Variants in FAAH2 observed in about 807,000 individuals in gnomAD.
FAAH2 encodes fatty acid amide hydrolase 2.
Under a neutral mutation model 36.9 loss-of-function variants are expected in FAAH2, and 60 were observed. The ratio of observed to expected loss-of-function variants is 1.63; its 90% CI spans 1.32 to 2.02. The LOEUF (loss-of-function observed/expected upper bound fraction) is 2.02, where lower values mean the gene tolerates loss of function less well. FAAH2 is among the 30% of genes most tolerant of loss of function. The probability of loss-of-function intolerance (pLI) is 0.00; values close to 1 mark genes in which losing one functional copy is unlikely to be tolerated. For synonymous variants in FAAH2, 214 were observed against 143.8 expected (o/e 1.49, Z -3.49); for missense variants, 689 against 397.5 (o/e 1.73, Z -6.23).
At chrX:57,395,031 T>C (rs768371777) in intron 7 of FAAH2, 20 of 557,818 alleles carry the variant, frequency 3.6e-5, no homozygotes, top group Non-Finnish European at 6.6e-5. Context: ...CCAGCACTGA[T>C]GCTAGTCAAT....
the FAAH2 span, among the ~76,000 whole-genome samples, chrX:57,160,626 C>T: frequency 8.9e-6 from 1 of 111,749 alleles, no homozygotes; most frequent in Non-Finnish European, 1.9e-5. Flanking sequence ...GTTTATTTGC[C>T]TAGAGGTGTT....
intron 6 of FAAH2, among the ~76,000 whole-genome samples, chrX:57,379,155 T>C (rs926954037): frequency 3.8e-4 from 42 of 111,909 alleles, no homozygotes; most frequent in African/African-American, 1.3e-3. Flanking sequence ...GCATCAACGC[T>C]GCTTGGAAAT....
chrX:57,422,692 C>T (rs1037831946), intron 7 of FAAH2, among the ~76,000 whole-genome samples: 1 of 111,524 alleles, frequency 9.0e-6, no homozygotes, highest in Admixed American at 9.5e-5. Context: ...GGTGTCTATG[C>T]CATTGCCTCT....
chrX:57,392,502 G>A (rs781214916), intron 7 of FAAH2: 60 of 701,407 alleles, frequency 8.6e-5, no homozygotes, highest in South Asian at 4.5e-4. Flanking sequence ...AATGACATCC[G>A]GGAAAACTCC....
intron 3 of FAAH2, among the ~76,000 whole-genome samples, chrX:57,326,195 T>C (rs1252506457): frequency 4.5e-5 from 4 of 89,312 alleles, no homozygotes; most frequent in African/African-American, 1.8e-4. Flanking sequence ...TGCACTGTGG[T>C]CTGAGAGACA....
chrX:57,468,774 G>A (rs1369309710), intron 10 of FAAH2, among the ~76,000 whole-genome samples: 1 of 111,209 alleles, frequency 9.0e-6, no homozygotes, highest in African/African-American at 3.3e-5. Context: ...CTCGAGATGA[G>A]CAACTCCAAG....
At chrX:57,318,757 A>G (rs2052923054) in intron 3 of FAAH2, among the ~76,000 whole-genome samples, 2 of 112,252 alleles carry the variant, frequency 1.8e-5, no homozygotes, top group African/African-American at 3.2e-5. Context: ...ATGAACATCT[A>G]TGCAAAAATC....
intron 7 of FAAH2, among the ~76,000 whole-genome samples, chrX:57,384,797 C>G (rs1602487099): frequency 9.0e-6 from 1 of 111,583 alleles, no homozygotes; most frequent in East Asian, 2.8e-4. Flanking sequence ...ACTAGAAATA[C>G]CATTTGACCC....
the FAAH2 span, among the ~76,000 whole-genome samples, chrX:57,243,398 C>T: frequency 8.9e-6 from 1 of 112,383 alleles, no homozygotes; most frequent in South Asian, 3.7e-4. Context: ...TCGAGCTCTG[C>T]TAGGGACAGA....
intron 4 of FAAH2, among the ~76,000 whole-genome samples, chrX:57,337,872 C>G (rs2053592773): frequency 8.9e-6 from 1 of 112,027 alleles, no homozygotes; most frequent in Non-Finnish European, 1.9e-5. Flanking sequence ...TCTCACTGCT[C>G]TGATACAACA....
At chrX:57,197,543 A>T in the FAAH2 span, among the ~76,000 whole-genome samples, 9 of 105,412 alleles carry the variant, frequency 8.5e-5, no homozygotes, top group Admixed American at 2.0e-4. Context: ...CTATTCAGAT[A>T]TTTTTTTTTT....
chrX:57,209,949 T>C, the FAAH2 span, among the ~76,000 whole-genome samples: 1 of 110,749 alleles, frequency 9.0e-6, no homozygotes, highest in South Asian at 3.9e-4. Context: ...TATGTGGTTT[T>C]TTTTTTTATG....
the FAAH2 span, among the ~76,000 whole-genome samples, chrX:57,177,785 T>C: frequency 1.8e-5 from 2 of 108,521 alleles, no homozygotes; most frequent in Admixed American, 2.0e-4. Flanking sequence ...GCCTGGGCTG[T>C]CTGACTGTTG....
At chrX:57,263,331 G>A in the FAAH2 span, among the ~76,000 whole-genome samples, 1 of 111,626 alleles carries the variant, frequency 9.0e-6, no homozygotes, top group African/African-American at 3.2e-5. Flanking sequence ...GAAATTAAAA[G>A]TACAATACCA....
chrX:57,231,604 A>G, the FAAH2 span, among the ~76,000 whole-genome samples: 3 of 111,829 alleles, frequency 2.7e-5, no homozygotes, highest in Non-Finnish European at 5.6e-5. Context: ...TATCATTACA[A>G]TAATGCCATG....
At chrX:57,184,289 G>A in the FAAH2 span, among the ~76,000 whole-genome samples, 1 of 111,338 alleles carries the variant, frequency 9.0e-6, no homozygotes, top group African/African-American at 3.3e-5. Flanking sequence ...GCCCTTTGAA[G>A]CATGTGATCT....
At chrX:57,464,961 C>A (rs2057024464) in intron 10 of FAAH2, among the ~76,000 whole-genome samples, 1 of 111,587 alleles carries the variant, frequency 9.0e-6, no homozygotes, top group African/African-American at 3.2e-5. Context: ...TAAGGATATT[C>A]AGACAACTAA....
chrX:57,248,125 A>G, the FAAH2 span, among the ~76,000 whole-genome samples: 2 of 112,327 alleles, frequency 1.8e-5, no homozygotes, highest in African/African-American at 6.5e-5. Context: ...TATAGAATAA[A>G]CAAAGATTCA....
chrX:57,383,182 T>C (rs2054905539), intron 7 of FAAH2, among the ~76,000 whole-genome samples: 2 of 111,651 alleles, frequency 1.8e-5, no homozygotes, highest in South Asian at 7.4e-4. Context: ...TAGCTCAAAA[T>C]AATAAGAGCT....
Sources: allele counts gnomAD v4.1 joint callset (sites outside exome capture counted in the v4.1 genomes callset), GRCh38; gene constraint gnomAD v4.1.1; transcripts MANE v1.5; gene names NCBI Gene and HGNC (gene_info 2026-07-23, HGNC 2026-07-21).